Variants in ASIC5 observed in about 807,000 individuals in gnomAD.
ASIC5 encodes bile acid-sensitive ion channel.
Under a neutral mutation model 51.2 loss-of-function variants are expected in ASIC5, and 52 were observed. That is an observed-to-expected ratio of 1.02 (90% CI 0.81 to 1.28). ASIC5 has a LOEUF of 1.28. ASIC5 is among the 50% of genes most tolerant of loss of function. The pLI is 0.00. For missense variants in ASIC5, 635 were observed against 595.0 expected (o/e 1.07, Z -0.70); for synonymous variants, 231 against 200.7 (o/e 1.15, Z -1.28).
intron 4 of ASIC5, among the ~76,000 whole-genome samples, chr4:155,844,496 A>G (rs184441791): frequency 6.6e-6 from 1 of 152,096 alleles, no homozygotes; most frequent in South Asian, 2.1e-4. Context: ...TAAAGTTAGC[A>G]TTAACAACCA....
Position 155,838,722 on chromosome 4 carries a change from T to G in ASIC5, c.1066+91A>C, listed in dbSNP as rs867838452. 2.4e-5 allele frequency: 18 copies of G among 746,786 alleles called. No homozygotes were observed. The Middle Eastern group carries it at 3.9e-3, about 161-fold the overall frequency. 46.3% of individuals were successfully genotyped at this position (746,786 alleles called of 1,614,324 possible). A position where few individuals can be genotyped will look rare whatever the true frequency, so the allele number is the denominator to read the frequency against. ...CTTATATACTATATTCTGTTTAATTTCTGGGCTATCCATAGTTTGACTTAA... is the reference window on the plus strand; with the variant it reads ...CTTATATACTATATTCTGTTTAATTGCTGGGCTATCCATAGTTTGACTTAA... On this transcript the variant is annotated intron_variant, in intron 7 of 9. Coordinates refer to ENST00000537611, the MANE Select transcript of ASIC5 (RefSeq NM_017419.3).
intron 2 of ASIC5, among the ~76,000 whole-genome samples, chr4:155,856,221 T>C (rs1741534532): frequency 6.6e-6 from 1 of 152,110 alleles, no homozygotes; most frequent in Non-Finnish European, 1.5e-5. Flanking sequence ...TAAATATCAT[T>C]GTAAGCCTTT....
chr4:155,848,091 A>C (rs1463088017), intron 4 of ASIC5, among the ~76,000 whole-genome samples: 1 of 152,034 alleles, frequency 6.6e-6, no homozygotes, highest in Non-Finnish European at 1.5e-5. Flanking sequence ...AATTGGCTTC[A>C]TGCTGTTTTT....
chr4:155,857,235 C>A (rs1009977029), intron 2 of ASIC5, among the ~76,000 whole-genome samples: 5 of 151,994 alleles, frequency 3.3e-5, no homozygotes, highest in Non-Finnish European at 5.9e-5. Flanking sequence ...GCAATCCTCC[C>A]ACTTCAGCCC....
rs759228338 is a variant in ASIC5 at position 155,836,834 on chromosome 4, A to G, written c.1090T>C (p.Cys364Arg). 1.6e-5 allele frequency: 25 copies of G among 1,600,840 alleles called. No individual in the cohort carries two copies. The highest frequency in any genetic ancestry group is 1.2e-4 in the South Asian group (11 of 88,170). ...CTAGAGTTATGTGTTCCTACTGTAC[A>G]TAAATCCTTAAATTCAATGTGGTCT... ...VLDHIEFKDL[C>R]TVGTHNSSCP... Residue 364 changes from cysteine to arginine, a missense_variant, in exon 8 of 10, where the codon TGT becomes CGT. Transcript: ENST00000537611.
chr4:155,837,135 TG>T (rs1741001869), intron 7 of ASIC5, among the ~76,000 whole-genome samples: 14 of 17,510 alleles, frequency 8.0e-4, no homozygotes, highest in Admixed American at 3.0e-3. Flanking sequence ...GGTCTATTTC[TG>T]TAAAATATCA....
chr4:155,841,284 A>G, intron 6 of ASIC5, among the ~76,000 whole-genome samples: 1 of 151,998 alleles, frequency 6.6e-6, no homozygotes, highest in East Asian at 1.9e-4. Flanking sequence ...TGGGAGGGGG[A>G]TGTAAGAGAC....
At chr4:155,830,088 T>A (rs1740842087) in intron 9 of ASIC5, 42 bp from the exon 10 acceptor site, 1 of 1,362,486 alleles carries the variant, frequency 7.3e-7, no homozygotes, top group African/African-American at 1.5e-5. Context: ...TTATTTTTCA[T>A]AAAAAACAAA....
rs753535880 is a variant in ASIC5, at chr4:155,842,183, A to AG, written c.1009+23dup. On this transcript the variant is annotated intron_variant, in intron 6 of 9. Coordinates refer to ENST00000537611, the MANE Select transcript of ASIC5 (RefSeq NM_017419.3). ...AAACACTTAACTGTCTAGTTAAGTA[A>AG]GGGGGCAGTTAGTCTTTATTTACCA... The AG allele has an allele frequency of 3.6e-5, 58 of 1,609,380 alleles. No individual in the cohort carries two copies. The African/African-American group carries it at 6.8e-4, about 19-fold the overall frequency.
intron 2 of ASIC5, among the ~76,000 whole-genome samples, chr4:155,858,625 C>T (rs573948954): frequency 1.2e-4 from 19 of 152,064 alleles, no homozygotes; most frequent in African/African-American, 4.3e-4. Flanking sequence ...ATGCTTTTTC[C>T]TAAGAGGGTT....
chr4:155,851,326 A>G (rs1741377814), intron 4 of ASIC5, among the ~76,000 whole-genome samples: 1 of 152,020 alleles, frequency 6.6e-6, no homozygotes, highest in African/African-American at 2.4e-5. Flanking sequence ...CTTGAATGGG[A>G]TACAAAAGGA....
chr4:155,842,443 T>C, intron 5 of ASIC5, 89 bp from the exon 6 acceptor site: 2 of 1,290,872 alleles, frequency 1.5e-6, no homozygotes, highest in Non-Finnish European at 2.1e-6. Context: ...ATTTTTATTT[T>C]CCTCTCAGAG....
intron 1 of ASIC5, among the ~76,000 whole-genome samples, chr4:155,865,961 G>C (rs1317023400): frequency 4.6e-5 from 7 of 152,084 alleles, no homozygotes. Flanking sequence ...AACAAAATCA[G>C]ATTCTGGCAT....
Position 155,864,653 on chromosome 4 carries a change from A to T in ASIC5, c.41-899T>A, listed in dbSNP as rs545889258. The T allele has an allele frequency of 5.3e-5, 8 of 152,218 alleles. No homozygotes were observed. The East Asian group carries it at 1.5e-3, about 29-fold the overall frequency. 9.4% of individuals were successfully genotyped at this position (152,218 alleles called of 1,614,324 possible). ...AACTTTAGCCAAGTTTCTTAGTCTT[A>T]TACCTTTTCTGTCAAATGGCAGCAA... is the stretch of plus-strand genomic sequence containing the variant. On this transcript the variant is annotated intron_variant, in intron 1 of 9. Transcript: ENST00000537611.
chr4:155,863,752 G>C lies in ASIC5; in HGVS notation c.43C>G (p.Leu15Val). 1 of 1,604,694 alleles carries C rather than the reference G, an allele frequency of 6.2e-7. No individual in the cohort carries two copies. Among genetic ancestry groups the C allele is most frequent in the Non-Finnish European group, 8.5e-7 (1 of 1,175,172 alleles). ...AGGCAAAGCTTTATCTTTTCTAAGA[G>C]TCCTTAAGGTTTTGCCCATAAAATG... ...EKSKVYAENG[L>V]LEKIKLCLSK... The change falls in exon 2 of 10, where the codon CTC (leucine) becomes GTC (valine). Residue 15 changes from leucine to valine, a missense_variant and splice_region_variant. Physicochemically the swap from Leu to Val is conservative, Grantham distance 32. Coordinates refer to ENST00000537611, the MANE Select transcript of ASIC5 (RefSeq NM_017419.3).
At chr4:155,844,783 G>T (rs1168205034) in intron 4 of ASIC5, among the ~76,000 whole-genome samples, 1 of 152,004 alleles carries the variant, frequency 6.6e-6, no homozygotes, top group East Asian at 1.9e-4. Flanking sequence ...TGTCTGGGAG[G>T]AATGCTCCCT....
At chr4:155,846,932 A>T (rs577691033) in intron 4 of ASIC5, among the ~76,000 whole-genome samples, 1 of 152,214 alleles carries the variant, frequency 6.6e-6, no homozygotes, top group East Asian at 1.9e-4. Context: ...GGTTATGTAT[A>T]AAACAAGGTA....
intron 3 of ASIC5, 70 bp downstream of exon 3, chr4:155,854,007 G>T: frequency 2.6e-6 from 3 of 1,163,210 alleles, no homozygotes; most frequent in Non-Finnish European, 3.7e-6. Flanking sequence ...TGCCGTGGGA[G>T]CTCAATGTGA....
chr4:155,831,831 C>T lies in ASIC5; in HGVS notation c.1320G>A (p.Glu440=). 2 of 1,587,430 alleles carry T rather than the reference C, an allele frequency of 1.3e-6. No homozygotes were observed. The highest frequency in any genetic ancestry group is 1.7e-6 in the Non-Finnish European group (2 of 1,157,112). The change falls in exon 9 of 10, where the codon GAG becomes GAA. Residue 440 remains glutamate, a synonymous_variant. Transcript: ENST00000537611. ...TQQQKAVSVS[E]LLADLGGQLG... is the part of the protein sequence containing the mutation. ...CAATTAAATAACACTTACCAAGTAA[C>T]TCAGACACACTCACCGCCTTTTGCT...
Sources: allele counts gnomAD v4.1 joint callset (sites outside exome capture counted in the v4.1 genomes callset), GRCh38; gene constraint gnomAD v4.1.1; transcripts MANE v1.5; gene names NCBI Gene and HGNC (gene_info 2026-07-23, HGNC 2026-07-21).